SLC1A4: variants seen among roughly 807,000 people sequenced by gnomAD.
SLC1A4 encodes the protein solute carrier family 1 member 4, also known as neutral amino acid transporter A.
In SLC1A4, 19 loss-of-function variants were observed where a neutral mutation model predicts 37.7. The observed-to-expected ratio is 0.50, with a 90% CI of 0.35 to 0.74. SLC1A4 has a LOEUF of 0.74. Ranked by LOEUF, SLC1A4 falls within the 30% of genes least tolerant of loss-of-function variation. The probability of loss-of-function intolerance (pLI) is 0.01; values close to 1 mark genes in which losing one functional copy is unlikely to be tolerated. For synonymous variants in SLC1A4, 299 were observed against 309.8 expected, an observed-to-expected ratio of 0.97 and a Z score of 0.37; for missense variants, 570 against 712.9, an observed-to-expected ratio of 0.80 and a Z score of 2.28.
rs541017414 is a variant in SLC1A4, at chr2:65,018,395, A to G, written c.1229+130A>G. The G allele has an allele frequency of 7.3e-7, 1 of 1,374,976 alleles. No individual in the cohort carries two copies. Among genetic ancestry groups the G allele is most frequent in the Non-Finnish European group, 9.9e-7 (1 of 1,006,748 alleles). 85.2% of individuals were successfully genotyped at this position (1,374,976 alleles called of 1,614,324 possible). On this transcript the variant is annotated intron_variant, in intron 6 of 7. Coordinates refer to ENST00000234256, the MANE Select transcript of SLC1A4 (RefSeq NM_003038.5). This position sits in a 1 kb window ranked among gnomAD's most constrained non-coding sequence, Gnocchi z 4.3. The stretch of plus-strand genomic sequence containing the variant: ...GACAGTGGGGATTCATTACTTGAAG[A>G]GCGTGTGTTGACTCTCAAGGGCGTA...
intron 1 of SLC1A4, among the ~76,000 whole-genome samples, chr2:64,990,537 C>T (rs1168107221): frequency 6.6e-6 from 1 of 152,214 alleles, no homozygotes; most frequent in Non-Finnish European, 1.5e-5. Context: ...AGTGGCTTCG[C>T]CTCATTTTCT....
intron 2 of SLC1A4, among the ~76,000 whole-genome samples, chr2:65,002,882 G>A (rs1673533123): frequency 6.6e-6 from 1 of 151,914 alleles, no homozygotes; most frequent in Non-Finnish European, 1.5e-5. Context: ...GGTCTCCTAT[G>A]ACCATTCTTT....
intron 3 of SLC1A4, among the ~76,000 whole-genome samples, 182 bp downstream of exon 3, chr2:65,004,197 CA>C (rs1403435991): frequency 6.6e-6 from 1 of 152,038 alleles, no homozygotes; most frequent in Non-Finnish European, 1.5e-5. Context: ...ATGTTGCTCT[CA>C]AAGCACTACA....
intron 3 of SLC1A4, among the ~76,000 whole-genome samples, 173 bp downstream of exon 3, chr2:65,004,188 T>C (rs895172113): frequency 6.6e-6 from 1 of 150,940 alleles, no homozygotes; most frequent in Non-Finnish European, 1.5e-5. Context: ...CCAAATACCA[T>C]GTTGCTCTCA....
At chr2:65,009,292 G>C (rs1673811697) in intron 3 of SLC1A4, among the ~76,000 whole-genome samples, 1 of 151,902 alleles carries the variant, frequency 6.6e-6, no homozygotes, top group South Asian at 2.1e-4. Flanking sequence ...AGAATCACTT[G>C]AACCCAGGAG....
At chr2:65,009,242 G>A (rs1451514384) in intron 3 of SLC1A4, among the ~76,000 whole-genome samples, 3 of 152,050 alleles carry the variant, frequency 2.0e-5, no homozygotes, top group Non-Finnish European at 2.9e-5. Flanking sequence ...GCATGGTGGC[G>A]CATGCCTGTA....
At chr2:64,999,529 C>T (rs1673387800) in intron 1 of SLC1A4, 2 of 152,160 alleles carry the variant, frequency 1.3e-5, no homozygotes, top group African/African-American at 4.8e-5. Context: ...CCTACAGTCT[C>T]TCTGGGGTCA....
At position 65,003,954 on chromosome 2, in the gene SLC1A4, A is replaced by G; in HGVS notation, c.572A>G (p.Tyr191Cys). 6.2e-7 allele frequency: 1 copy of G among 1,613,824 alleles called. No homozygotes were observed. ...GTTTTTTTTTCCTCTTGATCACAGT[A>G]TGCAACCGATTATAAAGTCGTGACC... ...SNLVVAAFRT[Y>C]ATDYKVVTQN... Residue 191 changes from tyrosine (Y) to cysteine (C), a missense_variant and splice_region_variant, in exon 3 of 8, where the codon TAT (tyrosine) becomes TGT (cysteine). Tyr to Cys is a radical substitution (Grantham distance 194). Transcript: ENST00000234256.
At position 65,023,670 on chromosome 2, in the gene SLC1A4, A is replaced by G. The variant is rs1311410893; in HGVS notation, c.*2524A>G. On this transcript the variant is annotated 3_prime_UTR_variant, in exon 8 of 8. Coordinates refer to ENST00000234256, the MANE Select transcript of SLC1A4 (RefSeq NM_003038.5). Reference sequence around the variant, plus strand: ...TATCTTCCTGGTTTTCAGTCCACAGAGTCGGTAGACCAGGGGTTACGTGAC... The same window carrying G: ...TATCTTCCTGGTTTTCAGTCCACAGGGTCGGTAGACCAGGGGTTACGTGAC... 1 of 152,662 alleles carries G rather than the reference A, an allele frequency of 6.6e-6. No homozygotes were observed. The highest frequency in any genetic ancestry group is 1.5e-5 in the Non-Finnish European group (1 of 68,060). The allele number at this position is 152,662 out of a possible 1,614,324, so 9.5% of individuals were successfully genotyped here.
intron 1 of SLC1A4, among the ~76,000 whole-genome samples, chr2:64,996,207 C>G (rs1478962543): frequency 6.6e-6 from 1 of 152,208 alleles, no homozygotes; most frequent in East Asian, 1.9e-4. Flanking sequence ...CCAACTCCCA[C>G]ATACTCAAAC....
intron 1 of SLC1A4, among the ~76,000 whole-genome samples, chr2:64,997,181 G>A (rs1009282419): frequency 6.6e-6 from 1 of 152,114 alleles, no homozygotes; most frequent in Non-Finnish European, 1.5e-5. Context: ...CTGCCACCAG[G>A]AGAGCCCTTC....
At chr2:65,012,335 C>T (rs938903011) in intron 4 of SLC1A4, among the ~76,000 whole-genome samples, 3 of 150,340 alleles carry the variant, frequency 2.0e-5, no homozygotes, top group African/African-American at 4.9e-5. Context: ...GTGATCTGCC[C>T]GCCTCAGCCT....
chr2:65,004,099 C>A, intron 3 of SLC1A4, 84 bp downstream of exon 3: 2 of 1,233,458 alleles, frequency 1.6e-6, no homozygotes, highest in South Asian at 1.3e-5. Context: ...AGGACGTGGG[C>A]TGAAAACTTT....
chr2:64,991,593 TTTTG>T (rs10659734), intron 1 of SLC1A4, among the ~76,000 whole-genome samples: 40 of 143,526 alleles, frequency 2.8e-4, no homozygotes, highest in African/African-American at 7.7e-4. Context: ...ACACCCAGCT[TTTTG>T]TTTGTTTGTT....
intron 1 of SLC1A4, among the ~76,000 whole-genome samples, chr2:64,998,627 G>A (rs1018959700): frequency 5.3e-5 from 8 of 152,178 alleles, no homozygotes; most frequent in African/African-American, 1.4e-4. Context: ...ACAGGTCGGT[G>A]TGCCAGTGGC....
chr2:65,005,710 T>C (rs1246509595), intron 3 of SLC1A4, among the ~76,000 whole-genome samples: 1 of 152,218 alleles, frequency 6.6e-6, no homozygotes, highest in African/African-American at 2.4e-5. Flanking sequence ...AAACTAATTG[T>C]TGCCCAGGTG....
chr2:65,014,561 G>C (rs1674049886), intron 4 of SLC1A4, among the ~76,000 whole-genome samples: 1 of 152,188 alleles, frequency 6.6e-6, no homozygotes, highest in Non-Finnish European at 1.5e-5. Context: ...TGCCCCAAAA[G>C]TTATGACAAC....
chr2:65,005,260 A>G (rs1222333415), intron 3 of SLC1A4, among the ~76,000 whole-genome samples: 1 of 152,176 alleles, frequency 6.6e-6, no homozygotes, highest in African/African-American at 2.4e-5. Flanking sequence ...TGGCATTCTT[A>G]GTACCCTGCC....
chr2:65,018,520 C>A lies in SLC1A4; in HGVS notation c.1230-25C>A. Reference sequence around the variant, plus strand: ...TCCACTCCACGCTCTATGTTAATGGCTGGCCCTGCTCTGCCATCCCTTAGA... The same window carrying A: ...TCCACTCCACGCTCTATGTTAATGGATGGCCCTGCTCTGCCATCCCTTAGA... On this transcript the variant is annotated intron_variant, in intron 6 of 7. Coordinates refer to ENST00000234256, the MANE Select transcript of SLC1A4 (RefSeq NM_003038.5). The surrounding 1 kb of genome is among the most constrained non-coding windows in gnomAD (Gnocchi z 4.3). The A allele has an allele frequency of 6.2e-7, 1 of 1,612,752 alleles. No homozygotes were observed.
Sources: allele counts gnomAD v4.1 joint callset (sites outside exome capture counted in the v4.1 genomes callset), GRCh38; gene constraint gnomAD v4.1.1; non-coding constraint Gnocchi (gnomAD v3.1); transcripts MANE v1.5; gene names NCBI Gene and HGNC (gene_info 2026-07-23, HGNC 2026-07-21).